Variants in RHOT2 observed in about 807,000 individuals in gnomAD.
RHOT2 encodes the protein ras homolog family member T2, also known as mitochondrial Rho GTPase 2.
A neutral mutation model predicts 81.6 loss-of-function variants in RHOT2; 90 were observed. The ratio of observed to expected loss-of-function variants is 1.10; its 90% CI spans 0.93 to 1.31. The LOEUF (loss-of-function observed/expected upper bound fraction) is 1.31. Ranked by LOEUF, RHOT2 falls within the 40% of genes most tolerant of loss-of-function variation. RHOT2 has a pLI of 0.00. For synonymous variants in RHOT2, 512 were observed against 370.9 expected, an observed-to-expected ratio of 1.38 and a Z score of -4.37; for missense variants, 1,014 against 841.9, an observed-to-expected ratio of 1.20 and a Z score of -2.53.
chr16:672,863 G>C (rs771350750), intron 17 of RHOT2, 38 bp downstream of exon 17: 5 of 1,612,372 alleles, frequency 3.1e-6, no homozygotes, highest in East Asian at 2.2e-5. Context: ...ATGGGGCAGG[G>C]TCTGTCCCTC....
At chr16:669,848 A>G in intron 5 of RHOT2, 1 of 594,620 alleles carries the variant, frequency 1.7e-6, no homozygotes, top group Non-Finnish European at 3.0e-6. Flanking sequence ...CAGTTTCCAA[A>G]CCCCCGGGGG....
In RHOT2 at chr16:671,851, C is replaced by T. The variant is rs1301913757; in HGVS notation, c.955-9C>T. 3 of 1,522,404 alleles carry T rather than the reference C, an allele frequency of 2.0e-6. No individual in the cohort carries two copies. Among genetic ancestry groups the T allele is most frequent in the Non-Finnish European group, 1.8e-6 (2 of 1,136,604 alleles). The allele number at this position is 1,522,404 out of a possible 1,614,324, so 94.3% of individuals were successfully genotyped here. A position where few individuals can be genotyped will look rare whatever the true frequency, so the allele number is the denominator to read the frequency against. On this transcript the variant is annotated splice_polypyrimidine_tract_variant and intron_variant, in intron 12 of 18. Coordinates refer to ENST00000315082, the MANE Select transcript of RHOT2 (RefSeq NM_138769.3). The stretch of plus-strand genomic sequence containing the variant: ...CGGCACACACATCACCACATCCCTC[C>T]TTCTGCAGGACCGCGACGGCGCCCT...
rs777836599 is a variant in RHOT2, at chr16:668,700, G to A, written c.222+1G>A. 15 of 1,596,702 alleles carry A rather than the reference G, an allele frequency of 9.4e-6. No individual in the cohort carries two copies. Among genetic ancestry groups the A allele is most frequent in the Non-Finnish European group, 1.3e-5 (15 of 1,173,546 alleles). The stretch of plus-strand genomic sequence containing the variant: ...GGAGCTGCGGGAGGAGATCCACAAG[G>A]TACCCGTGGTGCGCGGGACGAGGGA... On this transcript the variant is annotated splice_donor_variant, in intron 4 of 18. Transcript: ENST00000315082. LOFTEE classifies it high-confidence loss of function.
rs1567257690 is a variant in RHOT2 at position 672,482 on chromosome 16, C to T, written c.1327-7C>T. On this transcript the variant is annotated splice_region_variant and splice_polypyrimidine_tract_variant and intron_variant, in intron 15 of 18. Transcript: ENST00000315082. Reference sequence around the variant, plus strand: ...GCCAGCGAGTGTCAGGACTTCACCTCCCTCAGCACCAGGACACGAGGGAGC... The same window carrying T: ...GCCAGCGAGTGTCAGGACTTCACCTTCCTCAGCACCAGGACACGAGGGAGC... 1 of 1,612,342 alleles carries T rather than the reference C, an allele frequency of 6.2e-7. No individual in the cohort carries two copies. Among genetic ancestry groups the T allele is most frequent in the South Asian group, 1.1e-5 (1 of 91,088 alleles).
At chr16:669,880 T>C in intron 5 of RHOT2, 1 of 612,210 alleles carries the variant, frequency 1.6e-6, no homozygotes, top group Non-Finnish European at 2.9e-6. Flanking sequence ...AGGGCCTGCG[T>C]TGGGGGCGGC....
Position 672,305 on chromosome 16 carries a change from T to A in RHOT2, c.1247T>A (p.Val416Asp). ...DQEKGQTQRS[V>D]LLCKVVGARG... ...GAGAAGGGACAGACGCAGCGGAGCG[T>A]CCTCCTGTGCAAGGTGGTAGGGGCC... Residue 416 changes from valine to aspartate, a missense_variant, in exon 15 of 19, where the codon GTC (valine) becomes GAC (aspartate). Physicochemically the swap from Val to Asp is radical, Grantham distance 152. Coordinates refer to ENST00000315082, the MANE Select transcript of RHOT2 (RefSeq NM_138769.3). 2.5e-6 allele frequency: 4 copies of A among 1,612,326 alleles called. No homozygotes were observed. The highest frequency in any genetic ancestry group is 3.4e-6 in the Non-Finnish European group (4 of 1,179,772).
chr16:670,950 T>C lies in RHOT2; in HGVS notation c.698T>C (p.Val233Ala). Residue 233 changes from valine to alanine, a missense_variant, in exon 10 of 19, where the codon GTG becomes GCG. Val to Ala is a moderately conservative substitution (Grantham distance 64). Coordinates refer to ENST00000315082, the MANE Select transcript of RHOT2 (RefSeq NM_138769.3). ...GCCCTGGAGGACGTGAAGACGGTGG[T>C]GTGCAGGAACGTGGCGGGCGGCGTG... ...PQALEDVKTV[V>A]CRNVAGGVRE... The C allele has an allele frequency of 6.4e-7, 1 of 1,571,940 alleles. No homozygotes were observed. Among genetic ancestry groups the C allele is most frequent in the Non-Finnish European group, 8.6e-7 (1 of 1,156,316 alleles).
intron 4 of RHOT2, 67 bp from the exon 5 acceptor site, chr16:669,486 G>A (rs567003514): frequency 3.3e-6 from 5 of 1,538,278 alleles, no homozygotes; most frequent in Non-Finnish European, 4.5e-6. Context: ...AGATGGCGTG[G>A]AACGGCCAGG....
intron 4 of RHOT2, chr16:669,243 C>G: frequency 3.9e-6 from 2 of 507,928 alleles, no homozygotes; most frequent in Non-Finnish European, 7.2e-6. Flanking sequence ...GAGCCCTCTG[C>G]TCCAAGGGTC....
chr16:668,743 C>A, intron 4 of RHOT2, 44 bp downstream of exon 4: 2 of 1,544,820 alleles, frequency 1.3e-6, no homozygotes, highest in Admixed American at 2.2e-5. Context: ...GGCGCGGGCT[C>A]GGCCTAATCC....
chr16:668,919 G>A (rs1253047689), intron 4 of RHOT2: 6 of 538,392 alleles, frequency 1.1e-5, no homozygotes, highest in Non-Finnish European at 1.6e-5. Flanking sequence ...CCTTCCCCGC[G>A]GGCTCTCCCT....
intron 18 of RHOT2, 118 bp from the exon 19 acceptor site, chr16:673,362 C>T: frequency 6.8e-7 from 1 of 1,481,262 alleles, no homozygotes; most frequent in Non-Finnish European, 9.3e-7. Flanking sequence ...ACCGGCTGTG[C>T]CTCTGGTCTG....
rs1195227732 is a variant in RHOT2 at position 672,735 on chromosome 16, C to T, written c.1437C>T (p.Ala479=). The T allele has an allele frequency of 8.1e-6, 13 of 1,612,432 alleles. No individual in the cohort carries two copies. Among genetic ancestry groups the T allele is most frequent in the Admixed American group, 1.7e-5 (1 of 60,006 alleles). Residue 479 remains alanine (A), a synonymous_variant, in exon 17 of 19, where the codon GCC becomes GCT. Transcript: ENST00000315082. ...LCEVGTDGLL[A]TSLDATCDVA... ...AGGTGGGCACAGATGGTCTGCTGGCCACATCGCTGGACGCCACCTGTGACG... is the reference window on the plus strand; with the variant it reads ...AGGTGGGCACAGATGGTCTGCTGGCTACATCGCTGGACGCCACCTGTGACG...
Position 673,042 on chromosome 16 carries a change from C to CTA in RHOT2, c.1643_1644dup (p.Pro549TyrfsTer68). 6.2e-7 allele frequency: 1 copy of CTA among 1,612,186 alleles called. No homozygotes were observed. Among genetic ancestry groups the CTA allele is most frequent in the Non-Finnish European group, 8.5e-7 (1 of 1,179,958 alleles). On this transcript the variant is annotated frameshift_variant, in exon 18 of 19. Coordinates refer to ENST00000315082, the MANE Select transcript of RHOT2 (RefSeq NM_138769.3). LOFTEE classifies it high-confidence loss of function. ...GGCCGAGTTTTGCCGCAAGCACCGGCTACCCGCTCCCGTGCCGTTCTCCTG... is the reference window on the plus strand; with the variant it reads ...GGCCGAGTTTTGCCGCAAGCACCGGCTATACCCGCTCCCGTGCCGTTCTCCTG...
Position 670,019 on chromosome 16 carries a change from G to A in RHOT2, c.277-104G>A, listed in dbSNP as rs1220768788. 15 of 1,110,856 alleles carry A rather than the reference G, an allele frequency of 1.4e-5. No homozygotes were observed. In the Admixed American group the frequency reaches 3.4e-4, roughly 25 times the overall value. The allele number at this position is 1,110,856 out of a possible 1,614,324, so 68.8% of individuals were successfully genotyped here. A position where few individuals can be genotyped will look rare whatever the true frequency, so the allele number is the denominator to read the frequency against. ...TGGCCGGGACTTGGGCCCTCAGTGG[G>A]CCTTGACCTCCCCCTTCTGCTCTCC... On this transcript the variant is annotated intron_variant, in intron 5 of 18. Transcript: ENST00000315082.
chr16:668,749 A>C (rs570805535), intron 4 of RHOT2, 50 bp downstream of exon 4: 1 of 1,537,306 alleles, frequency 6.5e-7, no homozygotes, highest in East Asian at 2.4e-5. Flanking sequence ...GGCTCGGCCT[A>C]ATCCGCTTCG....
chr16:672,310 C>T lies in RHOT2; in HGVS notation c.1252C>T (p.Leu418=), dbSNP rs767067752. Residue 418 remains leucine (L), a synonymous_variant, in exon 15 of 19, where the codon CTG becomes TTG. Coordinates refer to ENST00000315082, the MANE Select transcript of RHOT2 (RefSeq NM_138769.3). ...GGGACAGACGCAGCGGAGCGTCCTC[C>T]TGTGCAAGGTGGTAGGGGCCCGTGG... ...EKGQTQRSVL[L]CKVVGARGVG... is the part of the protein sequence containing the mutation. 5 of 1,612,342 alleles carry T rather than the reference C, an allele frequency of 3.1e-6. No homozygotes were observed. The highest frequency in any genetic ancestry group is 1.1e-5 in the South Asian group (1 of 91,040).
rs1373638652 is a variant in RHOT2 at position 673,608 on chromosome 16, G to T, written c.*2G>T. On this transcript the variant is annotated 3_prime_UTR_variant, in exon 19 of 19. Transcript: ENST00000315082. ...AGGGTCCTGGTGAAGAGCCAGTGAG[G>T]CCCCTGGTACCCAAGCCCCCTCCCC... 1 of 1,605,084 alleles carries T rather than the reference G, an allele frequency of 6.2e-7. No individual in the cohort carries two copies. The highest frequency in any genetic ancestry group is 8.5e-7 in the Non-Finnish European group (1 of 1,177,364).
Position 673,620 on chromosome 16 carries a change from C to T in RHOT2, c.*14C>T, listed in dbSNP as rs780102697. ...AAGAGCCAGTGAGGCCCCTGGTACC[C>T]AAGCCCCCTCCCCTGACCTGGGTGT... On this transcript the variant is annotated 3_prime_UTR_variant, in exon 19 of 19. Transcript: ENST00000315082. The T allele has an allele frequency of 1.0e-5, 16 of 1,601,734 alleles. No homozygotes were observed. Among genetic ancestry groups the T allele is most frequent in the Non-Finnish European group, 1.4e-5 (16 of 1,175,748 alleles).
Sources: gnomAD v4.1 joint callset for allele counts on GRCh38, gnomAD v4.1.1 for gene constraint, MANE v1.5 for transcripts, NCBI Gene and HGNC (gene_info 2026-07-23, HGNC 2026-07-21) for gene names.